Variants in TANC1 observed in about 807,000 individuals in gnomAD.
TANC1 encodes tetratricopeptide repeat, ankyrin repeat and coiled-coil containing 1, also known as protein TANC1.
A neutral mutation model predicts 149.7 loss-of-function variants in TANC1; 77 were observed. The observed-to-expected ratio is 0.51, with a 90% CI of 0.43 to 0.62. The LOEUF is 0.62. Ranked by LOEUF, TANC1 falls within the 20% of genes least tolerant of loss-of-function variation. The pLI is 0.00. For missense variants in TANC1, 1,985 were observed against 2,321.8 expected (o/e 0.85, Z 2.98); for synonymous variants, 854 against 925.0 (o/e 0.92, Z 1.39).
chr2:159,181,663 C>G (rs1389354990), intron 14 of TANC1, among the ~76,000 whole-genome samples: 1 of 152,174 alleles, frequency 6.6e-6, no homozygotes, highest in East Asian at 1.9e-4. Flanking sequence ...TGTCTTGGTG[C>G]CTTGCAGGTC....
At chr2:159,041,484 A>C (rs952977498) in intron 2 of TANC1, among the ~76,000 whole-genome samples, 10 of 152,198 alleles carry the variant, frequency 6.6e-5, no homozygotes, top group Non-Finnish European at 1.3e-4. Context: ...CTCAAGCCTC[A>C]GCAATGGTGG....
intron 3 of TANC1, among the ~76,000 whole-genome samples, chr2:159,076,981 T>C (rs1347032541): frequency 6.6e-6 from 1 of 151,790 alleles, no homozygotes; most frequent in Non-Finnish European, 1.5e-5. Flanking sequence ...GGGACGTTCA[T>C]TTTGTTTTTT....
chr2:159,099,218 TG>T (rs1024126120), intron 4 of TANC1, among the ~76,000 whole-genome samples: 11 of 152,188 alleles, frequency 7.2e-5, no homozygotes, highest in African/African-American at 2.4e-4. Context: ...GGAACCTTTT[TG>T]GTATGAAGTA....
chr2:159,210,712 A>C (rs2058926073), intron 19 of TANC1, among the ~76,000 whole-genome samples: 1 of 150,738 alleles, frequency 6.6e-6, no homozygotes, highest in South Asian at 2.1e-4. Flanking sequence ...GGATTACAGG[A>C]ATGTGTCATC....
intron 3 of TANC1, among the ~76,000 whole-genome samples, chr2:159,091,662 C>T (rs1035433571): frequency 6.6e-6 from 1 of 152,160 alleles, no homozygotes; most frequent in East Asian, 1.9e-4. Flanking sequence ...GTTTAGATCC[C>T]ACTGGGTGGA....
chr2:159,041,092 G>T (rs6724352), intron 2 of TANC1, among the ~76,000 whole-genome samples: 5,817 of 152,262 alleles, frequency 0.038, 261 homozygotes, highest in East Asian at 0.16. Flanking sequence ...CACCAGCAGA[G>T]GCTGCAGAAC....
In TANC1 at chr2:159,194,382, A is replaced by G; in HGVS notation, c.2868A>G (p.Glu956=). The change falls in exon 17 of 27, where the codon GAA becomes GAG. Residue 956 remains glutamate, a synonymous_variant. Coordinates refer to ENST00000263635, the MANE Select transcript of TANC1 (RefSeq NM_033394.3). ...GHEEVVTLLL[E]FGACLDGTSE... ...AGGAAGTTGTCACTCTGCTCCTGGAATTTGGTGCCTGCCTGGACGGAACGT... is the reference window on the plus strand; with the variant it reads ...AGGAAGTTGTCACTCTGCTCCTGGAGTTTGGTGCCTGCCTGGACGGAACGT... The G allele has an allele frequency of 6.2e-7, 1 of 1,614,272 alleles. No individual in the cohort carries two copies. Among genetic ancestry groups the G allele is most frequent in the South Asian group, 1.1e-5 (1 of 91,090 alleles).
intron 3 of TANC1, among the ~76,000 whole-genome samples, chr2:159,092,569 G>T (rs926102721): frequency 2.0e-5 from 3 of 152,094 alleles, no homozygotes; most frequent in Non-Finnish European, 4.4e-5. Context: ...TGATAATTTT[G>T]TTATCTTTGC....
chr2:159,201,446 C>T (rs1453517190), intron 19 of TANC1, among the ~76,000 whole-genome samples: 1 of 152,216 alleles, frequency 6.6e-6, no homozygotes, highest in Non-Finnish European at 1.5e-5. Context: ...AGTCCTGGTT[C>T]TCACCAAGGC....
chr2:159,167,261 T>C (rs2054699141), intron 8 of TANC1, among the ~76,000 whole-genome samples: 3 of 152,232 alleles, frequency 2.0e-5, no homozygotes, highest in Admixed American at 2.0e-4. Flanking sequence ...CTGCCCCTTC[T>C]ACCTGTGCCT....
chr2:159,010,252 T>G (rs2037619163), intron 2 of TANC1, among the ~76,000 whole-genome samples: 1 of 152,180 alleles, frequency 6.6e-6, no homozygotes, highest in Non-Finnish European at 1.5e-5. Context: ...TAATTTTACA[T>G]AAAAAAGACT....
At chr2:159,105,308 T>TA (rs201293665) in intron 4 of TANC1, among the ~76,000 whole-genome samples, 22,480 of 152,174 alleles carry the variant, frequency 0.15, 1,946 homozygotes, top group Middle Eastern at 0.24. Flanking sequence ...ACTTACTTTT[T>TA]AAAAAAATTA....
intron 1 of TANC1, among the ~76,000 whole-genome samples, chr2:158,999,295 G>A (rs1185406736): frequency 6.6e-6 from 1 of 152,104 alleles, no homozygotes; most frequent in Non-Finnish European, 1.5e-5. Flanking sequence ...TCCTAAATTG[G>A]TATCGAGAAA....
intron 8 of TANC1, among the ~76,000 whole-genome samples, chr2:159,163,833 G>GTTA (rs386391616): frequency 1.3e-5 from 2 of 151,884 alleles, no homozygotes; most frequent in African/African-American, 4.8e-5. Flanking sequence ...CTCGGTTTTT[G>GTTA]TTTTAAGCCT....
intron 19 of TANC1, among the ~76,000 whole-genome samples, chr2:159,214,055 G>T (rs1475559487): frequency 6.7e-6 from 1 of 150,042 alleles, no homozygotes; most frequent in African/African-American, 2.5e-5. Context: ...AACCTGGGAG[G>T]TGGAGGTTAC....
At chr2:159,095,757 G>T (rs1431929197) in intron 3 of TANC1, among the ~76,000 whole-genome samples, 1 of 106,736 alleles carries the variant, frequency 9.4e-6, no homozygotes, top group South Asian at 2.8e-4. Flanking sequence ...AAAAAAAAAA[G>T]TAAGGCATGT....
intron 22 of TANC1, among the ~76,000 whole-genome samples, chr2:159,224,004 C>T (rs1017886959): frequency 1.5e-4 from 23 of 152,184 alleles, no homozygotes; most frequent in Non-Finnish European, 5.9e-5. Flanking sequence ...GTAGCGTGTC[C>T]CCTGCTTTCC....
intron 8 of TANC1, among the ~76,000 whole-genome samples, chr2:159,164,581 C>G (rs1436728446): frequency 6.6e-6 from 1 of 152,178 alleles, no homozygotes; most frequent in East Asian, 1.9e-4. Flanking sequence ...ATGCCCTGTG[C>G]TGAGTTTAGA....
At chr2:159,195,194 C>T (rs1026529782) in intron 17 of TANC1, among the ~76,000 whole-genome samples, 1 of 152,210 alleles carries the variant, frequency 6.6e-6, no homozygotes, top group Admixed American at 6.5e-5. Context: ...GATCTTGGCT[C>T]ACTGCAACCT....
Sources: gnomAD v4.1 joint callset for allele counts (sites outside exome capture counted in the v4.1 genomes callset) on GRCh38, gnomAD v4.1.1 for gene constraint, MANE v1.5 for transcripts, NCBI Gene and HGNC (gene_info 2026-07-23, HGNC 2026-07-21) for gene names.